Variants in CNTNAP2 observed in about 807,000 individuals in gnomAD.
CNTNAP2 encodes contactin associated protein 2.
Under a neutral mutation model 155.2 loss-of-function variants are expected in CNTNAP2, and 98 were observed. The observed-to-expected ratio is 0.63, with a 90% confidence interval of 0.54 to 0.75. The LOEUF is 0.75. CNTNAP2 is among the 30% of genes least tolerant of loss of function. The pLI is 0.00. For synonymous variants in CNTNAP2, 651 were observed against 631.2 expected (o/e 1.03, Z -0.47); for missense variants, 1,727 against 1,688.1 (o/e 1.02, Z -0.40).
At chr7:147,991,981 T>A (rs1801717652) in intron 15 of CNTNAP2, among the ~76,000 whole-genome samples, 1 of 152,096 alleles carries the variant, frequency 6.6e-6, no homozygotes, top group South Asian at 2.1e-4. Context: ...AAACATAAGC[T>A]TCTTCTTGAA....
At chr7:148,411,598 C>T (rs1799840004) in intron 23 of CNTNAP2, among the ~76,000 whole-genome samples, 1 of 151,852 alleles carries the variant, frequency 6.6e-6, no homozygotes, top group South Asian at 2.1e-4. Flanking sequence ...GTTGGTTTGT[C>T]CTATCTAAAA....
chr7:147,701,528 C>A, intron 13 of CNTNAP2, among the ~76,000 whole-genome samples: 1 of 152,240 alleles, frequency 6.6e-6, no homozygotes, highest in South Asian at 2.1e-4. Context: ...CATATCCAAA[C>A]AGAGTATACT....
chr7:147,078,744 G>T (rs1377920814), intron 4 of CNTNAP2, among the ~76,000 whole-genome samples: 1 of 146,488 alleles, frequency 6.8e-6, no homozygotes, highest in East Asian at 2.0e-4. Context: ...TTCTTTAATT[G>T]TCTCATTTAA....
intron 1 of CNTNAP2, among the ~76,000 whole-genome samples, chr7:146,420,183 T>G (rs1795991506): frequency 6.6e-6 from 1 of 152,146 alleles, no homozygotes; most frequent in African/African-American, 2.4e-5. Context: ...CTCCATGTGC[T>G]GATTTTAACT....
chr7:146,149,010 A>G (rs1324414776), intron 1 of CNTNAP2, among the ~76,000 whole-genome samples: 5 of 149,288 alleles, frequency 3.3e-5, no homozygotes, highest in African/African-American at 1.2e-4. Context: ...GAAGGGGAAC[A>G]TCACACACCG....
chr7:146,871,724 T>C (rs1185520653), intron 3 of CNTNAP2, among the ~76,000 whole-genome samples: 1 of 152,096 alleles, frequency 6.6e-6, no homozygotes, highest in East Asian at 1.9e-4. Flanking sequence ...GATAGTGACA[T>C]GGATGTATTT....
chr7:148,362,119 G>A (rs1798634381), intron 21 of CNTNAP2, among the ~76,000 whole-genome samples: 1 of 152,044 alleles, frequency 6.6e-6, no homozygotes, highest in Non-Finnish European at 1.5e-5. Context: ...TGAGGTAGGA[G>A]AATCACTTGA....
chr7:148,322,095 T>C (rs538291796), intron 21 of CNTNAP2, among the ~76,000 whole-genome samples: 4 of 152,116 alleles, frequency 2.6e-5, no homozygotes, highest in African/African-American at 9.6e-5. Context: ...TAATTTTTTG[T>C]ATTTTTAGTA....
chr7:147,954,589 T>C (rs1229475352), intron 14 of CNTNAP2, among the ~76,000 whole-genome samples: 1 of 152,220 alleles, frequency 6.6e-6, no homozygotes, highest in Non-Finnish European at 1.5e-5. Flanking sequence ...TAAGCAATTA[T>C]GTTTATTTCT....
chr7:146,498,238 T>A (rs1442964696), intron 1 of CNTNAP2, among the ~76,000 whole-genome samples: 3 of 152,140 alleles, frequency 2.0e-5, no homozygotes, highest in Non-Finnish European at 4.4e-5. Context: ...ATAGCATGAG[T>A]CTGCCTAGAC....
At chr7:147,043,450 C>T (rs545415894) in intron 3 of CNTNAP2, among the ~76,000 whole-genome samples, 54 of 152,288 alleles carry the variant, frequency 3.5e-4, no homozygotes, top group African/African-American at 1.2e-3. Context: ...CTGACCTCTT[C>T]ACAACGTGTT....
At chr7:146,772,798 G>T (rs1423499306) in intron 1 of CNTNAP2, among the ~76,000 whole-genome samples, 1 of 152,216 alleles carries the variant, frequency 6.6e-6, no homozygotes, top group Non-Finnish European at 1.5e-5. Flanking sequence ...GGTAGCAGGG[G>T]TTGGGCAGGG....
chr7:147,274,597 C>A (rs1300818959), intron 8 of CNTNAP2, among the ~76,000 whole-genome samples: 1 of 152,014 alleles, frequency 6.6e-6, no homozygotes, highest in Non-Finnish European at 1.5e-5. Context: ...GCATAATTTG[C>A]AAATATTTTC....
intron 1 of CNTNAP2, among the ~76,000 whole-genome samples, chr7:146,414,975 G>A (rs1260291388): frequency 6.6e-6 from 1 of 152,192 alleles, no homozygotes; most frequent in Non-Finnish European, 1.5e-5. Context: ...ATATTTCAAA[G>A]TATTCTATAA....
intron 2 of CNTNAP2, among the ~76,000 whole-genome samples, chr7:146,788,313 C>T (rs977230599): frequency 6.6e-6 from 1 of 152,210 alleles, no homozygotes; most frequent in African/African-American, 2.4e-5. Context: ...ACGCCGAGGC[C>T]GAGGAGGCAC....
chr7:146,690,622 C>T (rs1268573905), intron 1 of CNTNAP2, among the ~76,000 whole-genome samples: 1 of 152,088 alleles, frequency 6.6e-6, no homozygotes, highest in Non-Finnish European at 1.5e-5. Flanking sequence ...CTGCTCTCGA[C>T]CAGTAGAAGG....
At chr7:148,111,523 G>A (rs148866032) in intron 15 of CNTNAP2, among the ~76,000 whole-genome samples, 10 of 150,440 alleles carry the variant, frequency 6.6e-5, no homozygotes, top group Admixed American at 6.0e-4. Flanking sequence ...AGATCAAAAT[G>A]TGGAACAAAA....
chr7:146,563,350 A>G (rs893122609), intron 1 of CNTNAP2, among the ~76,000 whole-genome samples: 1 of 152,062 alleles, frequency 6.6e-6, no homozygotes, highest in Non-Finnish European at 1.5e-5. Context: ...AGACTTCCAA[A>G]CCATTACACT....
At chr7:146,149,002 A>G (rs1330524514) in intron 1 of CNTNAP2, among the ~76,000 whole-genome samples, 1 of 135,542 alleles carries the variant, frequency 7.4e-6, no homozygotes, top group African/African-American at 2.7e-5. Flanking sequence ...GGACACAGGA[A>G]GGGGAACATC....
Sources: allele counts gnomAD v4.1 joint callset (sites outside exome capture counted in the v4.1 genomes callset), GRCh38; gene constraint gnomAD v4.1.1; transcripts MANE v1.5; gene names NCBI Gene and HGNC (gene_info 2026-07-23, HGNC 2026-07-21).